CCNG2: variants seen among roughly 807,000 people sequenced by gnomAD.
CCNG2 encodes the protein cyclin-G2.
In CCNG2, 20 loss-of-function variants were observed where a neutral mutation model predicts 36.5. The ratio of observed to expected loss-of-function variants is 0.55; its 90% CI spans 0.39 to 0.80. The LOEUF (loss-of-function observed/expected upper bound fraction) is 0.80. CCNG2 is among the 30% of genes least tolerant of loss of function. The probability of loss-of-function intolerance (pLI) is 0.00; values close to 1 mark genes in which losing one functional copy is unlikely to be tolerated. For synonymous variants in CCNG2, 155 were observed against 140.1 expected, an observed-to-expected ratio of 1.11 and a Z score of -0.75; for missense variants, 358 against 390.8, an observed-to-expected ratio of 0.92 and a Z score of 0.71.
At chr4:77,161,439 C>T (rs776041561) in intron 4 of CCNG2, 41 bp from the exon 5 acceptor site, 2 of 1,386,504 alleles carry the variant, frequency 1.4e-6, no homozygotes, top group Middle Eastern at 2.3e-4. Context: ...TCATTTAAAT[C>T]TTTGGAAGTT....
chr4:77,161,101 T>A (rs955539882), intron 4 of CCNG2, 130 bp downstream of exon 4: 15 of 360,558 alleles, frequency 4.2e-5, no homozygotes, highest in South Asian at 6.8e-5. Context: ...TGGTAAATCT[T>A]TTTTTTTTTT....
intron 2 of CCNG2, 109 bp from the exon 3 acceptor site, chr4:77,159,258 A>C (rs1731360889): frequency 9.9e-7 from 1 of 1,005,444 alleles, no homozygotes; most frequent in East Asian, 2.5e-5. Context: ...TGAGGGAAAA[A>C]AATTAACCTT....
chr4:77,160,522 CT>C (rs202066926), intron 3 of CCNG2, among the ~76,000 whole-genome samples, 198 bp from the exon 4 acceptor site: 7 of 107,278 alleles, frequency 6.5e-5, no homozygotes, highest in South Asian at 2.8e-4. Context: ...TCCCTGCTGC[CT>C]TTTTTTTTGG....
intron 6 of CCNG2, among the ~76,000 whole-genome samples, chr4:77,163,635 T>C (rs1452339004): frequency 6.6e-6 from 1 of 152,212 alleles, no homozygotes; most frequent in Admixed American, 6.5e-5. Context: ...GAAAATTGAT[T>C]CGTTGAAATA....
In CCNG2 at chr4:77,166,146, G is replaced by A. The variant is rs1442405234; in HGVS notation, c.*222G>A. 6.0e-6 allele frequency: 2 copies of A among 333,762 alleles called. No homozygotes were observed. Among genetic ancestry groups the A allele is most frequent in the African/African-American group, 4.3e-5 (2 of 46,824 alleles). 20.7% of individuals were successfully genotyped at this position (333,762 alleles called of 1,614,324 possible). On this transcript the variant is annotated 3_prime_UTR_variant, in exon 8 of 8. Transcript: ENST00000316355. ...ACCATTAACAGTACTTTAGACATTG[G>A]CACTTTATTTTTCTCGTAGATCTTT...
chr4:77,161,394 G>T (rs766805594), intron 4 of CCNG2, 86 bp from the exon 5 acceptor site: 8 of 1,063,262 alleles, frequency 7.5e-6, no homozygotes, highest in Middle Eastern at 6.1e-4. Context: ...GAGACACCGC[G>T]TCTGGCCCTG....
chr4:77,158,394 G>A (rs994712172), intron 1 of CCNG2, 139 bp from the exon 2 acceptor site: 10 of 766,036 alleles, frequency 1.3e-5, no homozygotes, highest in Non-Finnish European at 2.0e-5. Context: ...TCTGGCGGAC[G>A]TGACTGGTCC....
In CCNG2 at chr4:77,167,157, CTT is replaced by C. The variant is rs548851876; in HGVS notation, c.*1237_*1238del. 153 of 152,242 alleles carry C rather than the reference CTT, an allele frequency of 1.0e-3. 1 individual carries two copies. Among genetic ancestry groups the C allele is most frequent in the Admixed American group, 9.9e-3 (151 of 15,280 alleles). 9.4% of individuals were successfully genotyped at this position (152,242 alleles called of 1,614,324 possible). On this transcript the variant is annotated 3_prime_UTR_variant, in exon 8 of 8. Transcript: ENST00000316355. ...CCGTTGGATGTTTTCTGAAGTGGCTCTTTTTGAAGTGATAATAGATTGTAATT... is the reference window on the plus strand; with the variant it reads ...CCGTTGGATGTTTTCTGAAGTGGCTCTTTGAAGTGATAATAGATTGTAATT...
intron 1 of CCNG2, chr4:77,158,317 G>C (rs1204386789): frequency 3.6e-6 from 2 of 562,250 alleles, no homozygotes; most frequent in Admixed American, 3.2e-5. Flanking sequence ...AGCGCTGGCC[G>C]GCGGACCTGA....
rs1227980267 is a variant in CCNG2 at position 77,166,872 on chromosome 4, A to G, written c.*948A>G. 6.6e-6 allele frequency: 1 copy of G among 152,234 alleles called. No individual in the cohort carries two copies. The highest frequency in any genetic ancestry group is 1.5e-5 in the Non-Finnish European group (1 of 68,032). The allele number at this position is 152,234 out of a possible 1,614,324, so 9.4% of individuals were successfully genotyped here. A position where few individuals can be genotyped will look rare whatever the true frequency, so the allele number is the denominator to read the frequency against. On this transcript the variant is annotated 3_prime_UTR_variant, in exon 8 of 8. Coordinates refer to ENST00000316355, the MANE Select transcript of CCNG2 (RefSeq NM_004354.3). ...AGAACCCGAGTGTTTGTAGTATTAT[A>G]GTTTTAAGCAAATCTGTGTGGTGAT...
rs1057463401 is a variant in CCNG2 at position 77,168,295 on chromosome 4, C to G, written c.*2371C>G. 6.6e-6 allele frequency: 1 copy of G among 152,180 alleles called. No individual in the cohort carries two copies. The highest frequency in any genetic ancestry group is 2.4e-5 in the African/African-American group (1 of 41,446). The allele number at this position is 152,180 out of a possible 1,614,324, so 9.4% of individuals were successfully genotyped here. On this transcript the variant is annotated 3_prime_UTR_variant, in exon 8 of 8. Transcript: ENST00000316355. ...TTATATCTCTCTGTCCCCCCTTTTTCTGCCATTGGCATGGTTTAGACCTGT... is the reference window on the plus strand; with the variant it reads ...TTATATCTCTCTGTCCCCCCTTTTTGTGCCATTGGCATGGTTTAGACCTGT...
chr4:77,164,621 G>A, intron 7 of CCNG2, 142 bp downstream of exon 7: 1 of 589,600 alleles, frequency 1.7e-6, no homozygotes, highest in Admixed American at 3.2e-5. Flanking sequence ...CACTCTTCAG[G>A]TAAGCAAATT....
chr4:77,164,421 T>C lies in CCNG2; in HGVS notation c.853T>C (p.Tyr285His), dbSNP rs1408769930. ...AGCCCAGAACCTCCACAACAGCTAC[T>C]ATAGTGTTCCTGAGCTGCCAACGAT... The part of the protein sequence containing the change: ...RTAQNLHNSY[Y>H]SVPELPTIPE... Residue 285 changes from tyrosine to histidine, a missense_variant, in exon 7 of 8, where the codon TAT becomes CAT. Transcript: ENST00000316355. The C allele has an allele frequency of 1.2e-6, 2 of 1,614,126 alleles. No homozygotes were observed. Among genetic ancestry groups the C allele is most frequent in the Non-Finnish European group, 1.7e-6 (2 of 1,180,004 alleles).
rs1322831716 is a variant in CCNG2 at position 77,167,671 on chromosome 4, A to G, written c.*1747A>G. ...AAGTGGTGGTCCTTTCCCCTGCCCC[A>G]CCCCAATAGGTTCCCCATCTGTCTA... On this transcript the variant is annotated 3_prime_UTR_variant, in exon 8 of 8. Coordinates refer to ENST00000316355, the MANE Select transcript of CCNG2 (RefSeq NM_004354.3). 6.6e-6 allele frequency: 1 copy of G among 151,834 alleles called. No individual in the cohort carries two copies. The highest frequency in any genetic ancestry group is 2.4e-5 in the African/African-American group (1 of 41,300). The allele number at this position is 151,834 out of a possible 1,614,324, so 9.4% of individuals were successfully genotyped here. A position where few individuals can be genotyped will look rare whatever the true frequency, so the allele number is the denominator to read the frequency against.
intron 6 of CCNG2, 79 bp from the exon 7 acceptor site, chr4:77,164,195 C>T: frequency 1.0e-6 from 1 of 987,178 alleles, no homozygotes; most frequent in South Asian, 1.4e-5. Flanking sequence ...ATATATTTTT[C>T]ATAGCTCACC....
At chr4:77,160,630 G>A (rs1287139111) in intron 3 of CCNG2, 91 bp from the exon 4 acceptor site, 38 of 1,277,112 alleles carry the variant, frequency 3.0e-5, no homozygotes, top group Non-Finnish European at 3.7e-5. Flanking sequence ...ATTGTGTTCT[G>A]TCTTAAGAAT....
At chr4:77,160,555 G>A (rs1338949340) in intron 3 of CCNG2, among the ~76,000 whole-genome samples, 166 bp from the exon 4 acceptor site, 8 of 146,050 alleles carry the variant, frequency 5.5e-5, no homozygotes, top group African/African-American at 1.8e-4. Flanking sequence ...GGTCGAGAAC[G>A]TCTAAAATGT....
rs1041387430 is a variant in CCNG2, at chr4:77,157,346, G to C, written c.-161G>C. On this transcript the variant is annotated 5_prime_UTR_variant, in exon 1 of 8. Transcript: ENST00000316355. ...GAGCGGGATGGAGCCGGGGCTGTGA[G>C]GCCGAGGCGGCGGTGCCTGGGAGGA... 2.6e-5 allele frequency: 4 copies of C among 152,778 alleles called. No individual in the cohort carries two copies. The highest frequency in any genetic ancestry group is 9.6e-5 in the African/African-American group (4 of 41,566). The allele number at this position is 152,778 out of a possible 1,614,324, so 9.5% of individuals were successfully genotyped here.
At position 77,159,382 on chromosome 4, in the gene CCNG2, T is replaced by C. The variant is rs374031221; in HGVS notation, c.154T>C (p.Cys52Arg). 5 of 1,610,688 alleles carry C rather than the reference T, an allele frequency of 3.1e-6. No individual in the cohort carries two copies. Among genetic ancestry groups the C allele is most frequent in the African/African-American group, 1.3e-5 (1 of 74,806 alleles). ...EATPENDNTLCPGLRNAKVED... is the reference protein window; with the variant it reads ...EATPENDNTLRPGLRNAKVED... Reference sequence around the variant, plus strand: ...TTTATTGCAGAATGATAACACTTTGTGTCCAGGATTGAGAAATGCCAAAGT... The same window carrying C: ...TTTATTGCAGAATGATAACACTTTGCGTCCAGGATTGAGAAATGCCAAAGT... The change falls in exon 3 of 8, where the codon TGT becomes CGT. Residue 52 changes from cysteine (C) to arginine (R), a missense_variant. Physicochemically the swap from Cys to Arg is radical, Grantham distance 180. Coordinates refer to ENST00000316355, the MANE Select transcript of CCNG2 (RefSeq NM_004354.3).
Sources: allele counts gnomAD v4.1 joint callset (sites outside exome capture counted in the v4.1 genomes callset), GRCh38; gene constraint gnomAD v4.1.1; transcripts MANE v1.5; gene names NCBI Gene and HGNC (gene_info 2026-07-23, HGNC 2026-07-21).